Variants in SLC26A8 observed in about 807,000 individuals in gnomAD.
SLC26A8 encodes testis anion transporter 1.
Under a neutral mutation model 105.0 loss-of-function variants are expected in SLC26A8, and 70 were observed. The ratio of observed to expected loss-of-function variants is 0.67; its 90% confidence interval spans 0.55 to 0.81. The LOEUF (loss-of-function observed/expected upper bound fraction) is 0.81, where lower values mean the gene tolerates loss of function less well. Among genes scored for constraint, SLC26A8 ranks in the 40% least tolerant of loss-of-function variants. The pLI is 0.00. For missense variants in SLC26A8, 998 were observed against 1,181.8 expected, an observed-to-expected ratio of 0.84 and a Z score of 2.28; for synonymous variants, 415 against 438.3, an observed-to-expected ratio of 0.95 and a Z score of 0.66.
intron 7 of SLC26A8, among the ~76,000 whole-genome samples, chr6:35,984,687 T>C (rs1214269774): frequency 6.6e-6 from 1 of 152,134 alleles, no homozygotes; most frequent in Non-Finnish European, 1.5e-5. Context: ...AACCACAGCA[T>C]TCTTTGCACT....
chr6:35,975,174 T>A (rs1436280919), intron 10 of SLC26A8, among the ~76,000 whole-genome samples: 1 of 152,162 alleles, frequency 6.6e-6, no homozygotes, highest in African/African-American at 2.4e-5. Flanking sequence ...AAGTTCCACA[T>A]TGACAAGTAA....
chr6:35,948,399 G>A (rs1771748390), intron 19 of SLC26A8, among the ~76,000 whole-genome samples: 1 of 152,130 alleles, frequency 6.6e-6, no homozygotes, highest in African/African-American at 2.4e-5. Flanking sequence ...GACCAGCCTG[G>A]GCAACATGGT....
chr6:35,962,451 CTT>C, intron 12 of SLC26A8, 73 bp downstream of exon 12: 8 of 1,232,092 alleles, frequency 6.5e-6, no homozygotes, highest in Admixed American at 1.8e-5. Flanking sequence ...TGGCAGATCT[CTT>C]TTGTTTGTTC....
intron 7 of SLC26A8, among the ~76,000 whole-genome samples, chr6:35,982,447 T>C (rs949740364): frequency 1.3e-4 from 20 of 152,220 alleles, no homozygotes; most frequent in African/African-American, 4.8e-4. Context: ...TCTGTGAACA[T>C]GATGGGAACA....
chr6:36,010,477 G>A (rs1488606152), intron 3 of SLC26A8, among the ~76,000 whole-genome samples: 2 of 151,822 alleles, frequency 1.3e-5, no homozygotes, highest in Admixed American at 6.6e-5. Flanking sequence ...GAGTTCTGGA[G>A]GTGATGGAAC....
rs190662543 is a variant in SLC26A8 at position 35,964,915 on chromosome 6, C to T, written c.1366-2294G>A. Among the ~76,000 whole-genome samples, 11 of 149,382 alleles carry T rather than the reference C, an allele frequency of 7.4e-5. 1 individual carries two copies. In the East Asian group the frequency reaches 1.6e-3, roughly 21 times the overall value. Reference sequence around the variant, plus strand: ...CTGGGAGGCAGAGGTTGCAGTGAGCCGAGATTGGGCCACCGCTCTCCAGTC... The same window carrying T: ...CTGGGAGGCAGAGGTTGCAGTGAGCTGAGATTGGGCCACCGCTCTCCAGTC... On this transcript the variant is annotated intron_variant, in intron 11 of 19. Coordinates refer to ENST00000490799, the MANE Select transcript of SLC26A8 (RefSeq NM_052961.4).
Position 35,961,015 on chromosome 6 carries a change from T to C in SLC26A8, c.1546A>G (p.Ile516Val). The change falls in exon 13 of 20, where the codon ATC (isoleucine) becomes GTC (valine). Residue 516 changes from isoleucine to valine, a missense_variant. By Grantham distance (29) the Ile-to-Val change is conservative. Transcript: ENST00000490799. ...TACCTGTGTGAACGAACAGTGGTGA[T>C]GAAGAAAGCAGAAACTACTGAGATA... Reference protein sequence around the residue: ...LIISVVSAFFITTVRSHRAKI... With the variant: ...LIISVVSAFFVTTVRSHRAKI... 1 of 1,614,082 alleles carries C rather than the reference T, an allele frequency of 6.2e-7. No homozygotes were observed. The highest frequency in any genetic ancestry group is 8.5e-7 in the Non-Finnish European group (1 of 1,180,020).
chr6:35,944,924 A>G (rs897397460), intron 19 of SLC26A8, among the ~76,000 whole-genome samples: 1 of 152,136 alleles, frequency 6.6e-6, no homozygotes, highest in African/African-American at 2.4e-5. Flanking sequence ...ATCTTGGCTC[A>G]CTGCAACCTC....
intron 6 of SLC26A8, among the ~76,000 whole-genome samples, chr6:35,992,292 GGTTA>G (rs1227058611): frequency 2.0e-5 from 3 of 152,150 alleles, no homozygotes; most frequent in Non-Finnish European, 4.4e-5. Context: ...GAGCTGAAAT[GGTTA>G]GTCAACTGAA....
intron 14 of SLC26A8, 148 bp downstream of exon 14, chr6:35,960,695 C>T: frequency 1.3e-6 from 1 of 747,546 alleles, no homozygotes. Flanking sequence ...GAACCCATCT[C>T]TACCAGTGTA....
intron 19 of SLC26A8, among the ~76,000 whole-genome samples, chr6:35,948,966 T>C (rs1436272269): frequency 6.6e-6 from 1 of 152,196 alleles, no homozygotes; most frequent in Non-Finnish European, 1.5e-5. Flanking sequence ...GAAGAAGCCC[T>C]CAGCAGACAC....
At chr6:36,020,685 TG>T (rs1762107748) in intron 1 of SLC26A8, among the ~76,000 whole-genome samples, 1 of 152,136 alleles carries the variant, frequency 6.6e-6, no homozygotes, top group South Asian at 2.1e-4. Flanking sequence ...TAAATGAGGA[TG>T]GATAGGGATC....
intron 19 of SLC26A8, among the ~76,000 whole-genome samples, chr6:35,946,301 A>G (rs1771654639): frequency 6.6e-6 from 1 of 152,204 alleles, no homozygotes; most frequent in Non-Finnish European, 1.5e-5. Flanking sequence ...CAGTGGCATG[A>G]TCTTGGCTCA....
chr6:36,024,467 GC>G (rs1440259790), intron 1 of SLC26A8, 36 bp downstream of exon 1: 4 of 449,190 alleles, frequency 8.9e-6, no homozygotes, highest in East Asian at 7.5e-5. Context: ...GGGACCTGCA[GC>G]CCCCGGCGCC....
chr6:35,949,966 C>A (rs193080062), intron 19 of SLC26A8, among the ~76,000 whole-genome samples: 1 of 151,634 alleles, frequency 6.6e-6, no homozygotes, highest in Admixed American at 6.6e-5. Flanking sequence ...CCACCACGCC[C>A]GGCTAATTTT....
chr6:36,016,149 A>G (rs1243767589), intron 2 of SLC26A8, among the ~76,000 whole-genome samples: 1 of 151,962 alleles, frequency 6.6e-6, no homozygotes, highest in East Asian at 1.9e-4. Context: ...GTGCGCCACC[A>G]AGCCCAGCTA....
At chr6:35,982,969 A>C (rs889183104) in intron 7 of SLC26A8, among the ~76,000 whole-genome samples, 1 of 152,328 alleles carries the variant, frequency 6.6e-6, no homozygotes, top group South Asian at 2.1e-4. Context: ...AGCAGCTGTT[A>C]TAGCTTATAA....
intron 3 of SLC26A8, among the ~76,000 whole-genome samples, chr6:36,007,135 G>C (rs947899999): frequency 6.6e-6 from 1 of 151,712 alleles, no homozygotes; most frequent in Non-Finnish European, 1.5e-5. Flanking sequence ...GTCTTAGCTA[G>C]TATAACAAGC....
At chr6:35,992,853 G>A (rs180745187) in intron 5 of SLC26A8, among the ~76,000 whole-genome samples, 179 bp from the exon 6 acceptor site, 2 of 152,232 alleles carry the variant, frequency 1.3e-5, no homozygotes, top group East Asian at 3.9e-4. Context: ...CTTGTATGTT[G>A]ATCAGAGGCT....
Sources: allele counts gnomAD v4.1 joint callset (sites outside exome capture counted in the v4.1 genomes callset), GRCh38; gene constraint gnomAD v4.1.1; transcripts MANE v1.5; gene names NCBI Gene and HGNC (gene_info 2026-07-23, HGNC 2026-07-21).